PLD1: variants seen among roughly 807,000 people sequenced by gnomAD.
The protein encoded by PLD1 is choline phosphatase 1.
Under a neutral mutation model 137.1 loss-of-function variants are expected in PLD1, and 112 were observed. That is an observed-to-expected ratio of 0.82 (90% CI 0.70 to 0.96). PLD1 has a LOEUF of 0.96. PLD1 is among the 40% of genes least tolerant of loss of function. The pLI, the probability that PLD1 is intolerant of heterozygous loss-of-function variation, is 0.00. For synonymous variants in PLD1, 431 were observed against 454.7 expected (o/e 0.95, Z 0.66); for missense variants, 1,321 against 1,342.0 (o/e 0.98, Z 0.24).
chr3:171,659,263 C>T lies in PLD1; in HGVS notation c.2379G>A (p.Val793=). 1 of 1,613,744 alleles carries T rather than the reference C, an allele frequency of 6.2e-7. No individual in the cohort carries two copies. The highest frequency in any genetic ancestry group is 8.5e-7 in the Non-Finnish European group (1 of 1,179,612). Residue 793 remains valine, a synonymous_variant, in exon 21 of 27, where the codon GTG becomes GTA. Transcript: ENST00000351298. ...FFISCADDKV[V]FNKIGDAIAQ... is the part of the protein sequence containing the mutation. ...CAATGGCATCGCCTATCTTGTTGAA[C>T]ACAACTTTGTCATCAGCACAGCTTA...
intron 23 of PLD1, among the ~76,000 whole-genome samples, chr3:171,630,184 C>T (rs1389468984): frequency 6.7e-6 from 1 of 149,406 alleles, no homozygotes; most frequent in East Asian, 2.0e-4. Context: ...ACAAACAACC[C>T]CATCAAAAAG....
chr3:171,654,890 G>T (rs1201749388), intron 21 of PLD1, among the ~76,000 whole-genome samples: 1 of 152,150 alleles, frequency 6.6e-6, no homozygotes, highest in Non-Finnish European at 1.5e-5. Context: ...GAACATGAAG[G>T]CTTTGCAAAA....
intron 9 of PLD1, among the ~76,000 whole-genome samples, 188 bp downstream of exon 9, chr3:171,713,705 C>G (rs1717442850): frequency 6.6e-6 from 1 of 152,126 alleles, no homozygotes; most frequent in South Asian, 2.1e-4. Context: ...TTTATTCAGA[C>G]TGTTGCACAC....
chr3:171,706,706 C>T (rs1170270816), intron 11 of PLD1, among the ~76,000 whole-genome samples: 1 of 152,164 alleles, frequency 6.6e-6, no homozygotes, highest in African/African-American at 2.4e-5. Flanking sequence ...TTTCTGAATG[C>T]TCCTTTTTGC....
rs191988004 is a variant in PLD1 at position 171,699,842 on chromosome 3, C to G, written c.1146-16G>C. 10,472 of 1,600,310 alleles carry G rather than the reference C, an allele frequency of 6.5e-3. 46 individuals carry two copies. The highest frequency in any genetic ancestry group is 8.3e-3 in the Non-Finnish European group (9,666 of 1,168,846). On this transcript the variant is annotated splice_polypyrimidine_tract_variant and intron_variant, in intron 11 of 26. Transcript: ENST00000351298. ...TGGACTCAGCCTGAAACAATGAAACCAAGATTTTAAGTAACTAAAACAAAA... is the reference window on the plus strand; with the variant it reads ...TGGACTCAGCCTGAAACAATGAAACGAAGATTTTAAGTAACTAAAACAAAA...
intron 13 of PLD1, among the ~76,000 whole-genome samples, chr3:171,691,593 C>T (rs867651144): frequency 6.6e-6 from 1 of 152,160 alleles, no homozygotes; most frequent in Non-Finnish European, 1.5e-5. Context: ...CCTTTAACAG[C>T]TCTTCCCTCA....
At chr3:171,663,084 T>G (rs1049557021) in intron 19 of PLD1, among the ~76,000 whole-genome samples, 1 of 152,222 alleles carries the variant, frequency 6.6e-6, no homozygotes, top group African/African-American at 2.4e-5. Flanking sequence ...CCATTTCCCA[T>G]TTCAAATACC....
intron 1 of PLD1, among the ~76,000 whole-genome samples, chr3:171,758,275 C>T (rs930558969): frequency 1.3e-5 from 2 of 152,158 alleles, no homozygotes; most frequent in African/African-American, 2.4e-5. Flanking sequence ...TCACGTGACT[C>T]AGCTGGTGGG....
intron 1 of PLD1, among the ~76,000 whole-genome samples, chr3:171,757,844 T>G (rs978366114): frequency 6.6e-6 from 1 of 152,218 alleles, no homozygotes; most frequent in Admixed American, 6.5e-5. Context: ...CATGTTCAAT[T>G]CACTGATTCA....
intron 11 of PLD1, among the ~76,000 whole-genome samples, chr3:171,702,195 C>T (rs1716304463): frequency 6.6e-6 from 1 of 151,806 alleles, no homozygotes; most frequent in Admixed American, 6.6e-5. Context: ...AAATAAATGA[C>T]AAAAAAATGA....
chr3:171,656,519 G>A (rs1737216094), intron 21 of PLD1, among the ~76,000 whole-genome samples: 1 of 152,200 alleles, frequency 6.6e-6, no homozygotes. Context: ...AATTACTACA[G>A]TAAAGAAAAA....
At chr3:171,661,089 T>C (rs1737630156) in intron 20 of PLD1, among the ~76,000 whole-genome samples, 1 of 152,204 alleles carries the variant, frequency 6.6e-6, no homozygotes, top group Non-Finnish European at 1.5e-5. Flanking sequence ...ATGTCCTATA[T>C]CTATTCCATG....
intron 8 of PLD1, among the ~76,000 whole-genome samples, chr3:171,720,580 C>T (rs548852422): frequency 2.9e-4 from 41 of 143,494 alleles, no homozygotes; most frequent in African/African-American, 9.9e-4. Context: ...AAGACTCCGT[C>T]TCAAAAAAAA....
rs553663864 is a variant in PLD1 at position 171,625,596 on chromosome 3, A to C, written c.2594-5076T>G. Among the ~76,000 whole-genome samples, 25 of 152,006 alleles carry C rather than the reference A, an allele frequency of 1.6e-4. 1 individual carries two copies. The East Asian group carries it at 4.6e-3, about 28-fold the overall frequency. On this transcript the variant is annotated intron_variant, in intron 23 of 26. Transcript: ENST00000351298. The stretch of plus-strand genomic sequence containing the variant: ...ATCCCTGAGAAGCTAACTGGGAGGC[A>C]CCCCCCCGTAGGTGCAGACTGACAC...
chr3:171,635,339 C>T (rs1356712385), intron 23 of PLD1, among the ~76,000 whole-genome samples: 1 of 152,076 alleles, frequency 6.6e-6, no homozygotes, highest in Non-Finnish European at 1.5e-5. Flanking sequence ...GCAGAAATGC[C>T]AAACTGGCTT....
Position 171,650,553 on chromosome 3 carries a change from G to C in PLD1, c.2430-5530C>G, listed in dbSNP as rs1390772713. ...ACGGGATGTGGAGGGAGAGGAGGCA[G>C]GAGTAGAACCCTGATGCTGAATATA... On this transcript the variant is annotated intron_variant, in intron 21 of 26. Transcript: ENST00000351298. Among the ~76,000 whole-genome samples, 4 of 152,124 alleles carry C rather than the reference G, an allele frequency of 2.6e-5. No homozygotes were observed. The East Asian group carries it at 7.7e-4, about 29-fold the overall frequency.
intron 10 of PLD1, among the ~76,000 whole-genome samples, chr3:171,709,120 G>C (rs1055966644): frequency 2.0e-5 from 3 of 152,170 alleles, no homozygotes; most frequent in Admixed American, 1.3e-4. Flanking sequence ...TTCCTATCCT[G>C]TTGAACTTAC....
chr3:171,646,861 G>A (rs751905667), intron 21 of PLD1, among the ~76,000 whole-genome samples: 1 of 152,114 alleles, frequency 6.6e-6, no homozygotes, highest in African/African-American at 2.4e-5. Context: ...CCAGTGACAG[G>A]AGACTACCAC....
chr3:171,700,336 T>A lies in PLD1; in HGVS notation c.1146-510A>T, dbSNP rs9829798. ...CACAAACACACACACACACACACAC[T>A]CTCTCTCTCTCTCTCCCTCTCCCTC... On this transcript the variant is annotated intron_variant, in intron 11 of 26. Coordinates refer to ENST00000351298, the MANE Select transcript of PLD1 (RefSeq NM_002662.5). Among the ~76,000 whole-genome samples the A allele has an allele frequency of 5.5e-3, 783 of 142,004 alleles. 6 individuals carry two copies. Among genetic ancestry groups the A allele is most frequent in the African/African-American group, 0.02 (696 of 34,288 alleles). The allele number at this position is 142,004 out of a possible 152,430, so 93.2% of individuals were successfully genotyped here.
Sources: gnomAD v4.1 joint callset for allele counts (sites outside exome capture counted in the v4.1 genomes callset) on GRCh38, gnomAD v4.1.1 for gene constraint, MANE v1.5 for transcripts, NCBI Gene and HGNC (gene_info 2026-07-23, HGNC 2026-07-21) for gene names.